The following FNDC3A variants were observed in gnomAD, a reference collection of about 807,000 sequenced individuals.
The protein encoded by FNDC3A is fibronectin type III domain containing 3A, also known as fibronectin type-III domain-containing protein 3A.
Under a neutral mutation model 148.9 loss-of-function variants are expected in FNDC3A, and 32 were observed. The observed-to-expected ratio is 0.21, with a 90% confidence interval of 0.16 to 0.29. The LOEUF (loss-of-function observed/expected upper bound fraction) is 0.29. Ranked by LOEUF, FNDC3A falls within the 10% of genes least tolerant of loss-of-function variation. The pLI is 1.00. For missense variants in FNDC3A, 1,191 were observed against 1,452.8 expected, an observed-to-expected ratio of 0.82 and a Z score of 2.93; for synonymous variants, 472 against 473.6, an observed-to-expected ratio of 1.00 and a Z score of 0.04.
At chr13:49,016,432 G>A (rs537407772) in intron 2 of FNDC3A, among the ~76,000 whole-genome samples, 1 of 152,162 alleles carries the variant, frequency 6.6e-6, no homozygotes, top group East Asian at 1.9e-4. Flanking sequence ...TTGTATTTCT[G>A]TGGGATCTGG....
intron 11 of FNDC3A, 118 bp from the exon 12 acceptor site, chr13:49,174,317 T>C (rs932124121): frequency 2.9e-5 from 21 of 729,302 alleles, no homozygotes; most frequent in Non-Finnish European, 1.6e-5. Context: ...AGCCTTCTCT[T>C]GAGATCCATG....
chr13:49,111,263 C>G (rs1880550246), intron 3 of FNDC3A, among the ~76,000 whole-genome samples: 1 of 152,132 alleles, frequency 6.6e-6, no homozygotes, highest in South Asian at 2.1e-4. Flanking sequence ...GGTTTCGCTA[C>G]TATAGACACA....
chr13:49,139,830 C>T (rs1341154508), intron 7 of FNDC3A, among the ~76,000 whole-genome samples: 3 of 152,126 alleles, frequency 2.0e-5, no homozygotes, highest in Non-Finnish European at 2.9e-5. Context: ...GTACTATTTT[C>T]CCTGCTTTAC....
At chr13:49,127,408 T>G (rs774708724) in intron 4 of FNDC3A, among the ~76,000 whole-genome samples, 15 of 152,202 alleles carry the variant, frequency 9.9e-5, no homozygotes, top group Non-Finnish European at 1.0e-4. Flanking sequence ...ACTTTCTCAC[T>G]TAAACCCACT....
Position 49,178,597 on chromosome 13 carries a change from A to G in FNDC3A, c.1560A>G (p.Gly520=). 6.3e-7 allele frequency: 1 copy of G among 1,594,048 alleles called. No homozygotes were observed. The highest frequency in any genetic ancestry group is 8.5e-7 in the Non-Finnish European group (1 of 1,171,230). ...ATGGTTTTAAGCCTAAATATGATGGAGAAGATCTTGCTTACACAGTGAAAA... is the reference window on the plus strand; with the variant it reads ...ATGGTTTTAAGCCTAAATATGATGGGGAAGATCTTGCTTACACAGTGAAAA... ...SGYGFKPKYD[G]EDLAYTVKNL... The change falls in exon 14 of 26, where the codon GGA becomes GGG. Residue 520 remains glycine (G), a synonymous_variant. Transcript: ENST00000492622.
At chr13:49,118,792 A>G (rs1436536927) in intron 4 of FNDC3A, among the ~76,000 whole-genome samples, 2 of 152,332 alleles carry the variant, frequency 1.3e-5, no homozygotes, top group Non-Finnish European at 2.9e-5. Flanking sequence ...CTGTAGCCAG[A>G]CTACCTCTCT....
At chr13:49,097,156 A>G (rs1325600948) in intron 3 of FNDC3A, among the ~76,000 whole-genome samples, 1 of 152,078 alleles carries the variant, frequency 6.6e-6, no homozygotes, top group Admixed American at 6.6e-5. Flanking sequence ...GCAGGGGATA[A>G]CCAAAACTAT....
intron 1 of FNDC3A, among the ~76,000 whole-genome samples, chr13:48,993,244 ACTTAGT>A (rs1248999898): frequency 6.6e-6 from 1 of 152,164 alleles, no homozygotes; most frequent in Non-Finnish European, 1.5e-5. Context: ...GTAAAAACTT[ACTTAGT>A]CTTAGAGTTG....
At chr13:49,080,531 G>C (rs1295002189) in intron 3 of FNDC3A, among the ~76,000 whole-genome samples, 1 of 152,200 alleles carries the variant, frequency 6.6e-6, no homozygotes, top group African/African-American at 2.4e-5. Flanking sequence ...TTTTCATAGT[G>C]AAGTGCTTTG....
At chr13:49,142,940 T>G (rs1882772603) in intron 7 of FNDC3A, among the ~76,000 whole-genome samples, 1 of 152,208 alleles carries the variant, frequency 6.6e-6, no homozygotes, top group East Asian at 1.9e-4. Context: ...TGATTTCAGC[T>G]TGCTGCAACC....
intron 2 of FNDC3A, among the ~76,000 whole-genome samples, chr13:49,064,773 G>A (rs1877150704): frequency 6.6e-6 from 1 of 152,154 alleles, no homozygotes; most frequent in Admixed American, 6.5e-5. Flanking sequence ...AGTTGCTGAG[G>A]TCTGTCAGTA....
At position 49,121,569 on chromosome 13, in the gene FNDC3A, T is replaced by G. The variant is rs551543312; in HGVS notation, c.252+6838T>G. Among the ~76,000 whole-genome samples, 14 of 152,202 alleles carry G rather than the reference T, an allele frequency of 9.2e-5. 1 individual carries two copies. The highest frequency in any genetic ancestry group is 8.3e-4 in the South Asian group (4 of 4,822). On this transcript the variant is annotated intron_variant, in intron 4 of 25. Transcript: ENST00000492622. Reference sequence around the variant, plus strand: ...TCAATCAGTTCAGGAGCTGGTTTTTTGAAAAGATGAACAAAATAGATAGAC... The same window carrying G: ...TCAATCAGTTCAGGAGCTGGTTTTTGGAAAAGATGAACAAAATAGATAGAC...
chr13:48,991,409 G>A (rs182509170), intron 1 of FNDC3A, among the ~76,000 whole-genome samples: 1 of 152,224 alleles, frequency 6.6e-6, no homozygotes, highest in Admixed American at 6.5e-5. Context: ...GAACTGGCCT[G>A]GGGGCAGTGG....
intron 8 of FNDC3A, among the ~76,000 whole-genome samples, chr13:49,159,813 G>A (rs1031549951): frequency 6.6e-6 from 1 of 152,176 alleles, no homozygotes; most frequent in Non-Finnish European, 1.5e-5. Context: ...TTTATTCAGA[G>A]TTTTTAGCAT....
At chr13:49,187,565 A>AC (rs1279094080) in intron 16 of FNDC3A, 4 of 1,610,482 alleles carry the variant, frequency 2.5e-6, no homozygotes, top group Non-Finnish European at 3.4e-6. Context: ...GCTAGTAACG[A>AC]CCACTTGTTT....
Position 49,032,991 on chromosome 13 carries a change from TATC to T in FNDC3A, c.99+26704_99+26706del, listed in dbSNP as rs1337329459. On this transcript the variant is annotated intron_variant, in intron 2 of 25. Coordinates refer to ENST00000492622, the MANE Select transcript of FNDC3A (RefSeq NM_001079673.2). ...AAGTTATTATTATAAGACTAAGTATTATCAATCTTTCTTTGATAAATGGGTTAA... is the reference window on the plus strand; with the variant it reads ...AAGTTATTATTATAAGACTAAGTATTAATCTTTCTTTGATAAATGGGTTAA... Among the ~76,000 whole-genome samples, 8 of 152,282 alleles carry T rather than the reference TATC, an allele frequency of 5.3e-5. No homozygotes were observed. In the East Asian group the frequency reaches 9.6e-4, roughly 18 times the overall value.
intron 2 of FNDC3A, among the ~76,000 whole-genome samples, chr13:49,054,122 T>G (rs1329715129): frequency 6.6e-6 from 1 of 152,152 alleles, no homozygotes; most frequent in Non-Finnish European, 1.5e-5. Context: ...TAACCACTCC[T>G]TTCGCATCAT....
chr13:49,019,475 C>T (rs759459805), intron 2 of FNDC3A, among the ~76,000 whole-genome samples: 145 of 152,306 alleles, frequency 9.5e-4, no homozygotes, highest in Middle Eastern at 3.4e-3. Context: ...GCAGGGTGCG[C>T]GCACCCACTG....
intron 17 of FNDC3A, among the ~76,000 whole-genome samples, chr13:49,189,606 T>A (rs972054186): frequency 6.6e-6 from 1 of 152,126 alleles, no homozygotes; most frequent in Non-Finnish European, 1.5e-5. Flanking sequence ...AAATGAAATA[T>A]AGGCATTTTG....
Sources: allele counts gnomAD v4.1 joint callset (sites outside exome capture counted in the v4.1 genomes callset), GRCh38; gene constraint gnomAD v4.1.1; transcripts MANE v1.5; gene names NCBI Gene and HGNC (gene_info 2026-07-23, HGNC 2026-07-21).